Variants in ITGB6 observed in about 807,000 individuals in gnomAD.
ITGB6 encodes integrin beta-6.
ITGB6 carries 80 observed loss-of-function variants against 84.5 expected under a neutral mutation model. That is an observed-to-expected ratio of 0.95 (90% CI 0.79 to 1.14). The LOEUF is 1.14. Ranked by LOEUF, ITGB6 falls within the 50% of genes most tolerant of loss-of-function variation. ITGB6 has a pLI of 0.00. For missense variants in ITGB6, 1,006 were observed against 968.0 expected (o/e 1.04, Z -0.52); for synonymous variants, 383 against 354.9 (o/e 1.08, Z -0.89).
chr2:160,169,843 A>G (rs1428470974), intron 6 of ITGB6, among the ~76,000 whole-genome samples: 1 of 152,250 alleles, frequency 6.6e-6, no homozygotes, highest in Non-Finnish European at 1.5e-5. Flanking sequence ...TGCCATTTTA[A>G]TATCACAAGT....
rs770981055 is a variant in ITGB6, at chr2:160,196,294, G to C, written c.268C>G (p.Leu90Val). Residue 90 changes from leucine (L) to valine (V), a missense_variant, in exon 3 of 15, where the codon CTC becomes GTC. Physicochemically the swap from Leu to Val is conservative, Grantham distance 32 (BLOSUM62 1). Coordinates refer to ENST00000283249, the MANE Select transcript of ITGB6 (RefSeq NM_000888.5). ...CTATTTTTCTGTCTGCCTACACTGA[G>C]AGGCTTATTTTTAAGTATTTCTACT... The part of the protein sequence containing the change: ...SQVEILKNKP[L>V]SVGRQKNSSD... The C allele has an allele frequency of 1.2e-6, 2 of 1,614,044 alleles. No homozygotes were observed. The highest frequency in any genetic ancestry group is 1.7e-6 in the Non-Finnish European group (2 of 1,179,960).
At chr2:160,162,467 G>A (rs1684857120) in intron 7 of ITGB6, among the ~76,000 whole-genome samples, 2 of 152,102 alleles carry the variant, frequency 1.3e-5, no homozygotes, top group Admixed American at 1.3e-4. Flanking sequence ...GGTTACCTCT[G>A]TAGAAGGACA....
intron 10 of ITGB6, among the ~76,000 whole-genome samples, chr2:160,134,836 CT>C (rs1411196341): frequency 6.6e-6 from 1 of 152,220 alleles, no homozygotes; most frequent in African/African-American, 2.4e-5. Flanking sequence ...CAGAAAAGGC[CT>C]TTGACAAAAT....
At chr2:160,180,912 G>C (rs1685640646) in intron 4 of ITGB6, among the ~76,000 whole-genome samples, 1 of 152,182 alleles carries the variant, frequency 6.6e-6, no homozygotes, top group Non-Finnish European at 1.5e-5. Flanking sequence ...CCTAGCCAAG[G>C]GAAGCTGTGA....
At position 160,162,131 on chromosome 2, in the gene ITGB6, T is replaced by C. The variant is rs545321222; in HGVS notation, c.1017+7081A>G. Among the ~76,000 whole-genome samples the C allele has an allele frequency of 3.9e-5, 6 of 152,290 alleles. No individual in the cohort carries two copies. The South Asian group carries it at 1.2e-3, about 32-fold the overall frequency. On this transcript the variant is annotated intron_variant, in intron 7 of 14. Transcript: ENST00000283249. ...CCTGGCAGATGAACCAATAGATAAA[T>C]TCTCTATAAATGGCAGAGTGCTTCA...
chr2:160,174,184 C>T (rs1685325008), intron 4 of ITGB6, 45 bp from the exon 5 acceptor site: 1 of 1,412,470 alleles, frequency 7.1e-7, no homozygotes. Context: ...AATATGATGC[C>T]ACACACAATT....
At position 160,138,192 on chromosome 2, in the gene ITGB6, C is replaced by T. The variant is rs780376574; in HGVS notation, c.1115G>A (p.Arg372Gln). 1.7e-5 allele frequency: 28 copies of T among 1,606,368 alleles called. No individual in the cohort carries two copies. The highest frequency in any genetic ancestry group is 1.7e-4 in the Middle Eastern group (1 of 6,046). ...TAATACTTCCAGTTCCACCTCAGAC[C>T]GCAGTTCCTTTAGTTACAACATAAA... The part of the protein sequence containing the change: ...QLIISAYEEL[R>Q]SEVELEVLGD... The change falls in exon 9 of 15, where the codon CGG (arginine) becomes CAG (glutamine). Residue 372 changes from arginine to glutamine, a missense_variant. Physicochemically the swap from Arg to Gln is conservative, Grantham distance 43. Coordinates refer to ENST00000283249, the MANE Select transcript of ITGB6 (RefSeq NM_000888.5).
intron 4 of ITGB6, among the ~76,000 whole-genome samples, chr2:160,191,451 C>A (rs1686139745): frequency 6.6e-6 from 1 of 151,942 alleles, no homozygotes; most frequent in African/African-American, 2.4e-5. Context: ...TAAGTTGGGG[C>A]AATAAAATTT....
intron 12 of ITGB6, among the ~76,000 whole-genome samples, chr2:160,117,536 G>A (rs548917073): frequency 8.3e-4 from 127 of 152,252 alleles, no homozygotes; most frequent in Non-Finnish European, 1.3e-3. Context: ...GAAATTTATA[G>A]CACTAAATGC....
chr2:160,185,188 T>C (rs1685845539), intron 4 of ITGB6, among the ~76,000 whole-genome samples: 1 of 152,198 alleles, frequency 6.6e-6, no homozygotes, highest in African/African-American at 2.4e-5. Context: ...GCAAGTCAAA[T>C]TGTCTCTGTT....
rs368558128 is a variant in ITGB6, at chr2:160,188,830, T to G, written c.593+6539A>C. On this transcript the variant is annotated intron_variant, in intron 4 of 14. Transcript: ENST00000283249. ...CACATTGGCCAGGCTGGTCTCAAAC[T>G]CCTGAACTCATGATTCACCCACCTA... 2.5e-3 allele frequency among the ~76,000 whole-genome samples: 374 copies of G among 152,126 alleles called. 1 individual carries two copies. The highest frequency in any genetic ancestry group is 3.0e-3 in the Non-Finnish European group (205 of 67,988).
intron 7 of ITGB6, among the ~76,000 whole-genome samples, chr2:160,151,810 T>A (rs2105839467): frequency 6.6e-6 from 1 of 152,242 alleles, no homozygotes; most frequent in Non-Finnish European, 1.5e-5. Flanking sequence ...CAAAGAATAC[T>A]ATAAATACCT....
At chr2:160,165,307 A>G (rs1450307570) in intron 7 of ITGB6, among the ~76,000 whole-genome samples, 1 of 152,210 alleles carries the variant, frequency 6.6e-6, no homozygotes, top group African/African-American at 2.4e-5. Flanking sequence ...CTCCAGAATC[A>G]AGGTCATTGA....
intron 7 of ITGB6, among the ~76,000 whole-genome samples, chr2:160,156,416 G>A (rs1684626015): frequency 6.6e-6 from 1 of 152,156 alleles, no homozygotes; most frequent in South Asian, 2.1e-4. Context: ...ACATCCCCAA[G>A]CACCTCCTGC....
chr2:160,137,548 C>T lies in ITGB6; in HGVS notation c.1546G>A (p.Asp516Asn), dbSNP rs1489665110. ...PDHPSCSGRG[D>N]CYCGQCICHL... ...CAGATACACTGCCCACAGTAGCAGT[C>T]ACCCCTTCCGCTGCAGGAGGGATGA... Residue 516 changes from aspartate (D) to asparagine (N), a missense_variant, in exon 10 of 15, where the codon GAC (aspartate) becomes AAC (asparagine). By Grantham distance (23) the Asp-to-Asn change is conservative. Coordinates refer to ENST00000283249, the MANE Select transcript of ITGB6 (RefSeq NM_000888.5). 1 of 1,614,104 alleles carries T rather than the reference C, an allele frequency of 6.2e-7. No homozygotes were observed. Among genetic ancestry groups the T allele is most frequent in the Non-Finnish European group, 8.5e-7 (1 of 1,180,030 alleles).
chr2:160,099,887 T>C lies in ITGB6; in HGVS notation c.*1849A>G, dbSNP rs1202833187. ...CCCTAAAACACACACAAAGGTAACTTCTATTTTCTAAAATCCCATTCCAAT... is the reference window on the plus strand; with the variant it reads ...CCCTAAAACACACACAAAGGTAACTCCTATTTTCTAAAATCCCATTCCAAT... On this transcript the variant is annotated 3_prime_UTR_variant, in exon 15 of 15. Transcript: ENST00000283249. 6.6e-6 allele frequency: 1 copy of C among 152,084 alleles called. No homozygotes were observed. Among genetic ancestry groups the C allele is most frequent in the Admixed American group, 6.6e-5 (1 of 15,266 alleles). 9.4% of individuals were successfully genotyped at this position (152,084 alleles called of 1,614,324 possible). A position where few individuals can be genotyped will look rare whatever the true frequency, so the allele number is the denominator to read the frequency against.
At chr2:160,199,898 T>C (rs181819908) in intron 1 of ITGB6, 105 bp downstream of exon 1, 3 of 867,056 alleles carry the variant, frequency 3.5e-6, no homozygotes, top group Non-Finnish European at 5.6e-6. Flanking sequence ...AAAAGAGCAA[T>C]GGAACAGATC....
intron 10 of ITGB6, among the ~76,000 whole-genome samples, chr2:160,135,880 T>C (rs1323667700): frequency 6.6e-6 from 1 of 152,216 alleles, no homozygotes; most frequent in Non-Finnish European, 1.5e-5. Context: ...GATCCCTTCC[T>C]TACACCTTAT....
intron 4 of ITGB6, 146 bp downstream of exon 4, chr2:160,195,223 C>G: frequency 2.0e-6 from 2 of 1,012,162 alleles, no homozygotes; most frequent in Non-Finnish European, 2.9e-6. Context: ...TCTAAGCAAC[C>G]TAGGCCTCTG....
Sources: gnomAD v4.1 joint callset for allele counts (sites outside exome capture counted in the v4.1 genomes callset) on GRCh38, gnomAD v4.1.1 for gene constraint, MANE v1.5 for transcripts, NCBI Gene and HGNC (gene_info 2026-07-23, HGNC 2026-07-21) for gene names.